Variants in NR1H4 observed in about 807,000 individuals in gnomAD.
NR1H4 encodes bile acid receptor.
In NR1H4, 23 loss-of-function variants were observed where a neutral mutation model predicts 58.5. That is an observed-to-expected ratio of 0.39 (90% CI 0.28 to 0.56). The LOEUF (loss-of-function observed/expected upper bound fraction) is 0.56, where lower values mean the gene tolerates loss of function less well. NR1H4 is among the 20% of genes least tolerant of loss of function. NR1H4 has a pLI of 0.58. For synonymous variants in NR1H4, 214 were observed against 198.0 expected, an observed-to-expected ratio of 1.08 and a Z score of -0.68; for missense variants, 487 against 576.9, an observed-to-expected ratio of 0.84 and a Z score of 1.60.
At chr12:100,537,207 T>G (rs549219186) in intron 8 of NR1H4, among the ~76,000 whole-genome samples, 160 bp downstream of exon 8, 1 of 152,354 alleles carries the variant, frequency 6.6e-6, no homozygotes, top group South Asian at 2.1e-4. Context: ...CACATGTACT[T>G]ATTTCACTGC....
intron 3 of NR1H4, among the ~76,000 whole-genome samples, chr12:100,502,723 A>G (rs144821197): frequency 6.6e-6 from 1 of 152,334 alleles, no homozygotes; most frequent in African/African-American, 2.4e-5. Flanking sequence ...AATAAATTGC[A>G]TGAGATATTC....
chr12:100,511,086 T>G lies in NR1H4; in HGVS notation c.388T>G (p.Cys130Gly). The change falls in exon 4 of 11, where the codon TGT becomes GGT. Residue 130 changes from cysteine (C) to glycine (G), a missense_variant. Cys to Gly is a radical substitution (Grantham distance 159, BLOSUM62 -3). Transcript: ENST00000392986. ...CAAAGGGGATGAGCTGTGTGTTGTTTGTGGAGACAGAGCCTCTGGATACCA... is the reference window on the plus strand; with the variant it reads ...CAAAGGGGATGAGCTGTGTGTTGTTGGTGGAGACAGAGCCTCTGGATACCA... ...RIKGDELCVV[C>G]GDRASGYHYN... is the part of the protein sequence containing the mutation. 1.9e-6 allele frequency: 3 copies of G among 1,614,272 alleles called. No homozygotes were observed. Among genetic ancestry groups the G allele is most frequent in the Non-Finnish European group, 2.5e-6 (3 of 1,180,044 alleles).
At chr12:100,533,614 A>G (rs1954745632) in intron 5 of NR1H4, among the ~76,000 whole-genome samples, 1 of 152,134 alleles carries the variant, frequency 6.6e-6, no homozygotes, top group South Asian at 2.1e-4. Flanking sequence ...GGAAACACTT[A>G]CTCTGACACT....
intron 6 of NR1H4, 133 bp downstream of exon 6, chr12:100,535,156 G>T (rs1954786555): frequency 2.1e-6 from 2 of 974,534 alleles, no homozygotes; most frequent in Admixed American, 1.9e-5. Flanking sequence ...TCATTAAAAT[G>T]GATTCCTAAT....
intron 9 of NR1H4, among the ~76,000 whole-genome samples, chr12:100,543,202 G>A (rs762547976): frequency 1.3e-5 from 2 of 152,138 alleles, no homozygotes; most frequent in African/African-American, 2.4e-5. Flanking sequence ...GAGTAGCTGA[G>A]CTGACTGAAT....
At chr12:100,562,032 A>AT (rs763935926) in intron 10 of NR1H4, 34 bp downstream of exon 10, 158 of 1,061,770 alleles carry the variant, frequency 1.5e-4, no homozygotes, top group Admixed American at 7.6e-4. Flanking sequence ...TTTTTATGCC[A>AT]TTTTTTTCAG....
At chr12:100,529,844 T>G (rs567624176) in intron 4 of NR1H4, among the ~76,000 whole-genome samples, 1 of 152,318 alleles carries the variant, frequency 6.6e-6, no homozygotes, top group South Asian at 2.1e-4. Context: ...TATACTTATC[T>G]TGCTAGAACA....
chr12:100,552,484 T>A (rs1955224741), intron 9 of NR1H4, among the ~76,000 whole-genome samples: 1 of 152,162 alleles, frequency 6.6e-6, no homozygotes, highest in African/African-American at 2.4e-5. Context: ...CTTAATGGCA[T>A]CCCTTGTCCC....
chr12:100,535,732 T>C (rs1382148831), intron 6 of NR1H4, among the ~76,000 whole-genome samples: 7 of 152,236 alleles, frequency 4.6e-5, no homozygotes, highest in Non-Finnish European at 1.0e-4. Context: ...GTATTTTATA[T>C]GAAAGCATTA....
chr12:100,493,464 G>A, intron 3 of NR1H4, 62 bp downstream of exon 3: 1 of 834,308 alleles, frequency 1.2e-6, no homozygotes, highest in Non-Finnish European at 2.0e-6. Context: ...AATACATGAG[G>A]AAATGCCTAG....
chr12:100,510,838 C>T lies in NR1H4; in HGVS notation c.140C>T (p.Ser47Leu), dbSNP rs1420499826. The change falls in exon 4 of 11, where the codon TCG becomes TTG. Residue 47 changes from serine (S) to leucine (L), a missense_variant. Transcript: ENST00000392986. ...LGQNLEVEPY[S>L]QYSNVQFPQV... The stretch of plus-strand genomic sequence containing the variant: ...CAGAACCTGGAAGTGGAACCATACT[C>T]GCAATACAGCAATGTTCAGTTTCCC... The T allele has an allele frequency of 5.0e-6, 8 of 1,614,048 alleles. No homozygotes were observed. Among genetic ancestry groups the T allele is most frequent in the Non-Finnish European group, 6.8e-6 (8 of 1,179,988 alleles).
intron 4 of NR1H4, among the ~76,000 whole-genome samples, chr12:100,516,124 G>T (rs904184574): frequency 6.6e-6 from 1 of 152,184 alleles, no homozygotes; most frequent in Non-Finnish European, 1.5e-5. Flanking sequence ...AAACCCACAG[G>T]ATGGGAAAAG....
rs184783881 is a variant in NR1H4, at chr12:100,479,819, C to G, written c.-190+5760C>G. Among the ~76,000 whole-genome samples the G allele has an allele frequency of 2.6e-4, 39 of 152,336 alleles. 1 individual carries two copies. The highest frequency in any genetic ancestry group is 1.9e-3 in the Admixed American group (29 of 15,304). Reference sequence around the variant, plus strand: ...GGGCTTGTGTTGTTCTTCCAACACTCCAAGCCCAGGCCCTTTGCTTTTGCT... The same window carrying G: ...GGGCTTGTGTTGTTCTTCCAACACTGCAAGCCCAGGCCCTTTGCTTTTGCT... On this transcript the variant is annotated intron_variant, in intron 1 of 10. Transcript: ENST00000392986.
chr12:100,476,843 T>C (rs886514930), intron 1 of NR1H4, among the ~76,000 whole-genome samples: 9 of 152,160 alleles, frequency 5.9e-5, no homozygotes, highest in Admixed American at 1.3e-4. Context: ...GCTATGATAA[T>C]GCCACTATAC....
intron 3 of NR1H4, chr12:100,505,949 A>G (rs1024593374): frequency 3.8e-6 from 1 of 265,038 alleles, no homozygotes; most frequent in Non-Finnish European, 7.3e-6. Flanking sequence ...GTGTCTTTTC[A>G]CTTTCATATG....
In NR1H4 at chr12:100,563,697, A is replaced by C. The variant is rs547539960; in HGVS notation, c.*208A>C. The C allele has an allele frequency of 1.8e-6, 1 of 563,046 alleles. No homozygotes were observed. Among genetic ancestry groups the C allele is most frequent in the Non-Finnish European group, 3.1e-6 (1 of 318,720 alleles). 34.9% of individuals were successfully genotyped at this position (563,046 alleles called of 1,614,324 possible). A position where few individuals can be genotyped will look rare whatever the true frequency, so the allele number is the denominator to read the frequency against. ...ATTGTGTTTTAAAAGGCTCCAGGGAATCCTGCATTCTAATTGGCAAGCCCT... is the reference window on the plus strand; with the variant it reads ...ATTGTGTTTTAAAAGGCTCCAGGGACTCCTGCATTCTAATTGGCAAGCCCT... On this transcript the variant is annotated 3_prime_UTR_variant, in exon 11 of 11. Transcript: ENST00000392986.
intron 9 of NR1H4, among the ~76,000 whole-genome samples, chr12:100,560,937 G>C (rs377030518): frequency 1.3e-5 from 2 of 152,270 alleles, no homozygotes; most frequent in Admixed American, 6.5e-5. Flanking sequence ...ACCACTCACC[G>C]AGAATGGGAA....
intron 9 of NR1H4, among the ~76,000 whole-genome samples, chr12:100,541,921 A>G (rs371158478): frequency 6.6e-6 from 1 of 152,150 alleles, no homozygotes; most frequent in Non-Finnish European, 1.5e-5. Context: ...TTCTAAATAT[A>G]TGATTTCATC....
intron 4 of NR1H4, among the ~76,000 whole-genome samples, chr12:100,531,208 C>A (rs1954683560): frequency 6.6e-6 from 1 of 152,170 alleles, no homozygotes; most frequent in Non-Finnish European, 1.5e-5. Context: ...GTAATCCCAG[C>A]ACTTTGGGAG....
Sources: gnomAD v4.1 joint callset for allele counts (sites outside exome capture counted in the v4.1 genomes callset) on GRCh38, gnomAD v4.1.1 for gene constraint, MANE v1.5 for transcripts, NCBI Gene and HGNC (gene_info 2026-07-23, HGNC 2026-07-21) for gene names.